Variants in KCNN3 observed in about 807,000 individuals in gnomAD.
The protein encoded by KCNN3 is small conductance calcium-activated potassium channel protein 3.
Under a neutral mutation model 62.9 loss-of-function variants are expected in KCNN3, and 16 were observed. The ratio of observed to expected loss-of-function variants is 0.25; its 90% confidence interval spans 0.17 to 0.39. The LOEUF is 0.39. Among genes scored for constraint, KCNN3 ranks in the 10% least tolerant of loss-of-function variants. KCNN3 has a pLI of 1.00. For missense variants in KCNN3, 599 were observed against 949.4 expected, an observed-to-expected ratio of 0.63 and a Z score of 4.85; for synonymous variants, 370 against 389.2, an observed-to-expected ratio of 0.95 and a Z score of 0.58.
At chr1:154,816,640 A>T (rs1557990551) in intron 2 of KCNN3, among the ~76,000 whole-genome samples, 1 of 152,022 alleles carries the variant, frequency 6.6e-6, no homozygotes, top group Non-Finnish European at 1.5e-5. Flanking sequence ...GGGGTACTGG[A>T]TCCCTCCCAT....
chr1:154,724,183 T>A (rs1571213152), intron 5 of KCNN3, among the ~76,000 whole-genome samples: 1 of 152,238 alleles, frequency 6.6e-6, no homozygotes, highest in East Asian at 1.9e-4. Flanking sequence ...TAAATAATTC[T>A]GCTGAGAAAC....
intron 4 of KCNN3, among the ~76,000 whole-genome samples, chr1:154,728,826 G>A (rs1287551282): frequency 6.6e-6 from 1 of 152,170 alleles, no homozygotes; most frequent in African/African-American, 2.4e-5. Flanking sequence ...TGATGGGATT[G>A]AGAGAGGAAG....
intron 2 of KCNN3, among the ~76,000 whole-genome samples, chr1:154,818,452 T>C (rs184004096): frequency 6.5e-4 from 99 of 152,338 alleles, no homozygotes; most frequent in Middle Eastern, 3.4e-3. Flanking sequence ...AGGTGGACAC[T>C]ACAGTTTAAA....
At chr1:154,789,889 TTTTGTTTGTTTG>T (rs150262043) in intron 2 of KCNN3, among the ~76,000 whole-genome samples, 113 of 150,900 alleles carry the variant, frequency 7.5e-4, no homozygotes, top group African/African-American at 2.5e-3. Flanking sequence ...TGCTTGCTTT[TTTTGTTTGTTTG>T]TTTGTTTGTT....
chr1:154,764,205 A>C (rs560977122), intron 3 of KCNN3, among the ~76,000 whole-genome samples: 2 of 152,294 alleles, frequency 1.3e-5, no homozygotes, highest in East Asian at 3.9e-4. Flanking sequence ...TATAAATTTT[A>C]AGTTTGTTTT....
chr1:154,832,324 G>A (rs939921599), intron 1 of KCNN3, among the ~76,000 whole-genome samples: 2 of 151,880 alleles, frequency 1.3e-5, no homozygotes, highest in Non-Finnish European at 2.9e-5. Flanking sequence ...ATGCGTACCT[G>A]CCACTATGCA....
At position 154,700,837 on chromosome 1, in the gene KCNN3, A is replaced by C. The variant is rs1699838965; in HGVS notation, c.*7139T>G. 1 of 152,062 alleles carries C rather than the reference A, an allele frequency of 6.6e-6. No homozygotes were observed. The highest frequency in any genetic ancestry group is 2.1e-4 in the South Asian group (1 of 4,824). 9.4% of individuals were successfully genotyped at this position (152,062 alleles called of 1,614,324 possible). A position where few individuals can be genotyped will look rare whatever the true frequency, so the allele number is the denominator to read the frequency against. ...ATAATAATAATTTTAAAAAAGAAAA[A>C]ATCATTTAGTAGCAAAAAAAAGTGA... On this transcript the variant is annotated 3_prime_UTR_variant, in exon 8 of 8. Coordinates refer to ENST00000271915, the MANE Select transcript of KCNN3 (RefSeq NM_002249.6).
chr1:154,815,681 C>G (rs985375104), intron 2 of KCNN3, among the ~76,000 whole-genome samples: 1 of 152,172 alleles, frequency 6.6e-6, no homozygotes, highest in Non-Finnish European at 1.5e-5. Flanking sequence ...ATAGACTGTA[C>G]TAGGGTTGGA....
At chr1:154,807,301 C>G (rs986952192) in intron 2 of KCNN3, among the ~76,000 whole-genome samples, 5 of 152,170 alleles carry the variant, frequency 3.3e-5, no homozygotes, top group Admixed American at 3.3e-4. Flanking sequence ...AACTCGAGCC[C>G]GTAACCCAAC....
At chr1:154,754,269 G>T (rs549856559) in intron 3 of KCNN3, among the ~76,000 whole-genome samples, 38 of 152,312 alleles carry the variant, frequency 2.5e-4, no homozygotes, top group South Asian at 2.1e-4. Flanking sequence ...ACAGGGATCT[G>T]TGTCAGGGAG....
chr1:154,724,040 A>G (rs980461790), intron 5 of KCNN3, among the ~76,000 whole-genome samples: 3 of 152,248 alleles, frequency 2.0e-5, no homozygotes, highest in Non-Finnish European at 4.4e-5. Context: ...GCTCAGGGCC[A>G]TGATGTATCA....
intron 3 of KCNN3, among the ~76,000 whole-genome samples, chr1:154,749,597 A>G (rs966162937): frequency 2.6e-5 from 4 of 152,160 alleles, no homozygotes; most frequent in African/African-American, 9.7e-5. Flanking sequence ...CAGGGTGCCA[A>G]GGAGGAGCCT....
At chr1:154,731,257 T>A (rs895739421) in intron 4 of KCNN3, among the ~76,000 whole-genome samples, 5 of 152,238 alleles carry the variant, frequency 3.3e-5, no homozygotes, top group African/African-American at 1.2e-4. Flanking sequence ...TCGTGACAGT[T>A]GGTGCTATGC....
intron 3 of KCNN3, among the ~76,000 whole-genome samples, chr1:154,758,814 G>A (rs1647863235): frequency 6.6e-6 from 1 of 150,576 alleles, no homozygotes; most frequent in Non-Finnish European, 1.5e-5. Flanking sequence ...TTTTGTTTTT[G>A]TTTTTGTTTT....
intron 2 of KCNN3, among the ~76,000 whole-genome samples, chr1:154,796,643 C>G (rs1413492075): frequency 6.6e-6 from 1 of 152,230 alleles, no homozygotes; most frequent in Non-Finnish European, 1.5e-5. Context: ...TCAACCGATT[C>G]AACCGATTGT....
chr1:154,867,699 C>T (rs1236089783), intron 1 of KCNN3, among the ~76,000 whole-genome samples: 1 of 151,492 alleles, frequency 6.6e-6, no homozygotes, highest in Non-Finnish European at 1.5e-5. Context: ...CCCAGCTACC[C>T]GATGGCCAGC....
intron 7 of KCNN3, among the ~76,000 whole-genome samples, chr1:154,709,944 G>A (rs1700042511): frequency 6.6e-6 from 1 of 152,134 alleles, no homozygotes; most frequent in South Asian, 2.1e-4. Flanking sequence ...TTGTTCCCTT[G>A]GATCTTGGTT....
chr1:154,823,420 C>T (rs1373509107), intron 1 of KCNN3, among the ~76,000 whole-genome samples: 1 of 152,226 alleles, frequency 6.6e-6, no homozygotes, highest in Non-Finnish European at 1.5e-5. Context: ...TGGAAGGCAC[C>T]TTACAGTTTA....
chr1:154,794,906 T>C (rs1649663810), intron 2 of KCNN3, among the ~76,000 whole-genome samples: 1 of 152,172 alleles, frequency 6.6e-6, no homozygotes, highest in African/African-American at 2.4e-5. Context: ...GGAGCTCGTT[T>C]TCACTGACTT....
Sources: allele counts gnomAD v4.1 joint callset (sites outside exome capture counted in the v4.1 genomes callset), GRCh38; gene constraint gnomAD v4.1.1; transcripts MANE v1.5; gene names NCBI Gene and HGNC (gene_info 2026-07-23, HGNC 2026-07-21).